Variants in DAPK2 observed in about 807,000 individuals in gnomAD.
DAPK2 encodes death associated protein kinase 2.
In DAPK2, 35 loss-of-function variants were observed where a neutral mutation model predicts 44.1. That is an observed-to-expected ratio of 0.79 (90% CI 0.61 to 1.05). DAPK2 has a LOEUF of 1.05. Among genes scored for constraint, DAPK2 ranks in the 50% least tolerant of loss-of-function variants. The probability of loss-of-function intolerance (pLI) is 0.00; values close to 1 mark genes in which losing one functional copy is unlikely to be tolerated. For synonymous variants in DAPK2, 174 were observed against 182.6 expected (o/e 0.95, Z 0.38); for missense variants, 453 against 483.2 (o/e 0.94, Z 0.59).
At chr15:64,037,683 T>C (rs2080246649) in intron 1 of DAPK2, among the ~76,000 whole-genome samples, 1 of 152,158 alleles carries the variant, frequency 6.6e-6, no homozygotes, top group Admixed American at 6.5e-5. Flanking sequence ...TGAGTGGTCA[T>C]TCAAAGGCAG....
At chr15:64,021,891 G>A (rs1230173727) in intron 1 of DAPK2, among the ~76,000 whole-genome samples, 1 of 152,230 alleles carries the variant, frequency 6.6e-6, no homozygotes, top group African/African-American at 2.4e-5. Context: ...CAGCTAGAGA[G>A]GAGAAAGCTT....
At chr15:64,040,207 C>T in exon 1 of DAPK2, 2 of 1,614,074 alleles carry the variant, frequency 1.2e-6, no homozygotes, top group Non-Finnish European at 1.7e-6. Flanking sequence ...AAGTCCTCCA[C>T]CTTCTGCTGC....
chr15:63,909,275 T>C (rs2078721779), intron 10 of DAPK2: 1 of 152,002 alleles, frequency 6.6e-6, no homozygotes, highest in South Asian at 2.1e-4. Context: ...ATTCCTAAAA[T>C]ATCTGTTGTC....
At chr15:64,036,320 T>TATATAC (rs1567290103) in intron 1 of DAPK2, among the ~76,000 whole-genome samples, 7 of 79,120 alleles carry the variant, frequency 8.8e-5, no homozygotes, top group African/African-American at 2.3e-4. Context: ...TATATATATG[T>TATATAC]ATATATATAT....
intron 1 of DAPK2, among the ~76,000 whole-genome samples, chr15:63,985,495 C>A (rs770119896): frequency 6.6e-6 from 1 of 152,220 alleles, no homozygotes; most frequent in African/African-American, 2.4e-5. Context: ...CAGCCACACG[C>A]CTCTCCTCTC....
At chr15:64,006,219 C>A (rs1173779623) in intron 1 of DAPK2, among the ~76,000 whole-genome samples, 1 of 152,088 alleles carries the variant, frequency 6.6e-6, no homozygotes, top group African/African-American at 2.4e-5. Flanking sequence ...CCAGACCAAC[C>A]TGATCCTTCC....
At chr15:63,931,125 T>C (rs1187889721) in intron 4 of DAPK2, among the ~76,000 whole-genome samples, 2 of 152,080 alleles carry the variant, frequency 1.3e-5, no homozygotes, top group Non-Finnish European at 2.9e-5. Flanking sequence ...CTTTGGTCAT[T>C]TGACAACTTA....
At chr15:63,913,620 C>T (rs1231183892) in intron 8 of DAPK2, among the ~76,000 whole-genome samples, 2 of 152,120 alleles carry the variant, frequency 1.3e-5, no homozygotes, top group Middle Eastern at 3.2e-3. Context: ...TAACCATGCT[C>T]GGAGCACACC....
At chr15:64,024,027 G>A (rs2079765249) in intron 1 of DAPK2, among the ~76,000 whole-genome samples, 1 of 152,222 alleles carries the variant, frequency 6.6e-6, no homozygotes, top group South Asian at 2.1e-4. Flanking sequence ...GCGCGGTTAA[G>A]TAAAAAGAAT....
In DAPK2 at chr15:63,908,103, A is replaced by G. The variant is rs1444822269; in HGVS notation, c.*417T>C. 1 of 154,092 alleles carries G rather than the reference A, an allele frequency of 6.5e-6. No homozygotes were observed. Among genetic ancestry groups the G allele is most frequent in the Admixed American group, 6.5e-5 (1 of 15,308 alleles). The allele number at this position is 154,092 out of a possible 1,614,324, so 9.5% of individuals were successfully genotyped here. A position where few individuals can be genotyped will look rare whatever the true frequency, so the allele number is the denominator to read the frequency against. ...ACTTTCCTCAATCACCCTGTTCCCA[A>G]TGGGGAGGACTCTGTCTCTCTGGTG... On this transcript the variant is annotated 3_prime_UTR_variant, in exon 11 of 11. Transcript: ENST00000261891. The surrounding 1 kb of genome is among the most constrained non-coding windows in gnomAD (Gnocchi z 5.7).
intron 4 of DAPK2, chr15:63,936,098 C>T (rs975606076): frequency 1.3e-5 from 2 of 152,160 alleles, no homozygotes; most frequent in African/African-American, 4.8e-5. Flanking sequence ...TTCCATCCAT[C>T]AGATGTTACA....
chr15:63,970,249 T>C (rs1255206501), intron 3 of DAPK2, among the ~76,000 whole-genome samples: 1 of 152,226 alleles, frequency 6.6e-6, no homozygotes, highest in African/African-American at 2.4e-5. Context: ...TGTGTCTGCT[T>C]CCTGCACTGT....
At position 63,908,864 on chromosome 15, in the gene DAPK2, A is replaced by C; in HGVS notation, c.1033-264T>G. 3.6e-6 allele frequency: 1 copy of C among 278,432 alleles called. No individual in the cohort carries two copies. The highest frequency in any genetic ancestry group is 6.7e-6 in the Non-Finnish European group (1 of 148,762). The allele number at this position is 278,432 out of a possible 1,614,324, so 17.2% of individuals were successfully genotyped here. ...CATCAGGAGAGGCCAAATTATAATA[A>C]AGAAAATTACATCTAGTTCCCTTTG... On this transcript the variant is annotated intron_variant, in intron 10 of 10. Coordinates refer to ENST00000261891, the Ensembl canonical transcript of DAPK2. The surrounding 1 kb of genome is among the most constrained non-coding windows in gnomAD (Gnocchi z 5.7).
chr15:63,915,231 G>A (rs1291018992), intron 8 of DAPK2, among the ~76,000 whole-genome samples: 3 of 152,186 alleles, frequency 2.0e-5, no homozygotes, highest in African/African-American at 7.2e-5. Flanking sequence ...CTGAATCTGA[G>A]GATGTGGAAC....
intron 3 of DAPK2, among the ~76,000 whole-genome samples, chr15:63,971,107 GGTTTCAA>G (rs2078199957): frequency 6.6e-6 from 1 of 152,162 alleles, no homozygotes; most frequent in Non-Finnish European, 1.5e-5. Context: ...AAAGGTGTTT[GGTTTCAA>G]GTTTCCTGTC....
chr15:64,041,456 G>A (rs141810146), upstream of DAPK2, among the ~76,000 whole-genome samples: 79 of 152,308 alleles, frequency 5.2e-4, no homozygotes, highest in East Asian at 0.013. Context: ...GCCCCAAGAG[G>A]CTTACCCATT....
chr15:63,941,259 A>T (rs2077298376), intron 3 of DAPK2, among the ~76,000 whole-genome samples: 1 of 152,146 alleles, frequency 6.6e-6, no homozygotes, highest in African/African-American at 2.4e-5. Context: ...AGCAACCCTG[A>T]GCACCCTCCA....
chr15:63,914,119 G>A (rs916978427), intron 8 of DAPK2, among the ~76,000 whole-genome samples: 1 of 152,104 alleles, frequency 6.6e-6, no homozygotes, highest in African/African-American at 2.4e-5. Context: ...ACTGATGAGG[G>A]GCCCAGGTCA....
chr15:64,005,534 G>A (rs1209599929), intron 1 of DAPK2, among the ~76,000 whole-genome samples: 2 of 152,036 alleles, frequency 1.3e-5, no homozygotes, highest in African/African-American at 4.8e-5. Context: ...GGACAGCCAT[G>A]TGCCCTCCCA....
Sources: gnomAD v4.1 joint callset for allele counts (sites outside exome capture counted in the v4.1 genomes callset) on GRCh38, gnomAD v4.1.1 for gene constraint, Gnocchi (gnomAD v3.1) non-coding constraint, MANE v1.5 for transcripts, NCBI Gene and HGNC (gene_info 2026-07-23, HGNC 2026-07-21) for gene names.